Variants in SCLT1 observed in about 807,000 individuals in gnomAD.
The protein encoded by SCLT1 is sodium channel-associated protein 1.
Under a neutral mutation model 112.8 loss-of-function variants are expected in SCLT1, and 78 were observed. The observed-to-expected ratio is 0.69, with a 90% CI of 0.58 to 0.83. The LOEUF (loss-of-function observed/expected upper bound fraction) is 0.83. Among genes scored for constraint, SCLT1 ranks in the 40% least tolerant of loss-of-function variants. SCLT1 has a pLI of 0.00. For synonymous variants in SCLT1, 257 were observed against 254.7 expected, an observed-to-expected ratio of 1.01 and a Z score of -0.09; for missense variants, 747 against 770.4, an observed-to-expected ratio of 0.97 and a Z score of 0.36.
chr4:128,931,551 C>T (rs184990421), intron 18 of SCLT1, among the ~76,000 whole-genome samples: 5 of 152,280 alleles, frequency 3.3e-5, no homozygotes, highest in East Asian at 1.9e-4. Flanking sequence ...CAAGCTCCAC[C>T]TCCCGGGTTC....
chr4:129,038,782 T>C (rs1747414906), intron 5 of SCLT1, among the ~76,000 whole-genome samples: 1 of 152,182 alleles, frequency 6.6e-6, no homozygotes, highest in South Asian at 2.1e-4. Flanking sequence ...AAGTACTTAC[T>C]TTATCCCTTA....
chr4:128,898,358 G>A (rs1441727279), intron 18 of SCLT1, among the ~76,000 whole-genome samples: 2 of 152,160 alleles, frequency 1.3e-5, no homozygotes, highest in South Asian at 2.1e-4. Context: ...TAGAGCTCAC[G>A]ATTAAGAAAC....
At chr4:128,966,510 G>A (rs747426630) in intron 10 of SCLT1, among the ~76,000 whole-genome samples, 7 of 151,960 alleles carry the variant, frequency 4.6e-5, no homozygotes, top group African/African-American at 1.5e-4. Flanking sequence ...CATCAAATAC[G>A]GTGTTATTAG....
chr4:129,017,898 T>C (rs1007683439), intron 5 of SCLT1, among the ~76,000 whole-genome samples: 1 of 152,232 alleles, frequency 6.6e-6, no homozygotes, highest in Non-Finnish European at 1.5e-5. Context: ...GGAAAAAAAG[T>C]CAATCTTACT....
At chr4:128,890,086 C>A (rs370810122) in intron 19 of SCLT1, among the ~76,000 whole-genome samples, 2 of 152,248 alleles carry the variant, frequency 1.3e-5, no homozygotes, top group South Asian at 2.1e-4. Flanking sequence ...TTAAGAAGCA[C>A]ATCATATGCT....
chr4:128,896,143 C>A (rs1733737554), intron 18 of SCLT1, among the ~76,000 whole-genome samples: 2 of 152,216 alleles, frequency 1.3e-5, no homozygotes, highest in Non-Finnish European at 2.9e-5. Flanking sequence ...GCAGCAGAAT[C>A]CTTTGCAGAC....
At chr4:129,011,427 C>T (rs954738216) in intron 5 of SCLT1, among the ~76,000 whole-genome samples, 1 of 152,044 alleles carries the variant, frequency 6.6e-6, no homozygotes, top group Admixed American at 6.5e-5. Flanking sequence ...TGATGTTGGC[C>T]TCATAAAATG....
chr4:128,972,865 A>T (rs1288858902), intron 9 of SCLT1, among the ~76,000 whole-genome samples: 4 of 152,098 alleles, frequency 2.6e-5, no homozygotes, highest in African/African-American at 9.7e-5. Context: ...TTTAACAATG[A>T]TTCCTGGATT....
At chr4:129,088,173 C>T (rs1434177775) in intron 1 of SCLT1, among the ~76,000 whole-genome samples, 1 of 151,944 alleles carries the variant, frequency 6.6e-6, no homozygotes, top group African/African-American at 2.4e-5. Context: ...AAGGATTATA[C>T]ATCATGAGCA....
chr4:128,884,337 C>A lies in SCLT1; in HGVS notation c.*140G>T. 1.8e-6 allele frequency: 1 copy of A among 560,404 alleles called. No homozygotes were observed. Among genetic ancestry groups the A allele is most frequent in the South Asian group, 2.7e-5 (1 of 37,304 alleles). The allele number at this position is 560,404 out of a possible 1,614,324, so 34.7% of individuals were successfully genotyped here. ...TGGTCACTGCTCTGTTTTCCAATAA[C>A]CCTCAAAACAGAACAACAATGCTTA... On this transcript the variant is annotated 3_prime_UTR_variant, in exon 21 of 21. Coordinates refer to ENST00000281142, the MANE Select transcript of SCLT1 (RefSeq NM_144643.4).
In SCLT1 at chr4:129,043,436, T is replaced by C; in HGVS notation, c.193A>G (p.Lys65Glu). ...TGCCCATTTAGTTCTCCTAGGTGTT[T>C]ATCATACTCAGTAACAAGAGGAGCT... ...FLAPLVTEYD[K>E]HLGELNGQLK... Residue 65 changes from lysine (K) to glutamate (E), a missense_variant, in exon 4 of 21, where the codon AAA becomes GAA. Around this residue, in one of 2 missense-constraint regions of SCLT1, gnomAD observed 723 missense variants for 721.3 expected, o/e 1.00. Transcript: ENST00000281142. 6.5e-7 allele frequency: 1 copy of C among 1,548,220 alleles called. No homozygotes were observed.
At chr4:129,026,501 A>G (rs147652191) in intron 5 of SCLT1, among the ~76,000 whole-genome samples, 2,160 of 152,194 alleles carry the variant, frequency 0.014, 74 homozygotes, top group African/African-American at 0.046. Flanking sequence ...TTTGAAACCA[A>G]CGAGAACAAA....
At chr4:129,065,928 A>G (rs1486091571) in intron 2 of SCLT1, among the ~76,000 whole-genome samples, 2 of 152,074 alleles carry the variant, frequency 1.3e-5, no homozygotes, top group Non-Finnish European at 2.9e-5. Context: ...CAGACACTGA[A>G]CAAGCTATGC....
At chr4:128,939,504 T>G (rs182877203) in intron 17 of SCLT1, among the ~76,000 whole-genome samples, 21 of 152,280 alleles carry the variant, frequency 1.4e-4, no homozygotes, top group Non-Finnish European at 2.4e-4. Flanking sequence ...AAATTCAGAA[T>G]GTTGGATGGG....
chr4:129,066,796 T>C (rs1172194066), intron 2 of SCLT1, among the ~76,000 whole-genome samples: 1 of 152,038 alleles, frequency 6.6e-6, no homozygotes, highest in African/African-American at 2.4e-5. Flanking sequence ...CATCACTTAT[T>C]AGTTTAAAAA....
At chr4:128,952,672 A>G in intron 14 of SCLT1, 97 bp downstream of exon 14, 1 of 796,436 alleles carries the variant, frequency 1.3e-6, no homozygotes, top group Admixed American at 2.1e-5. Context: ...GCTTGGTTTA[A>G]TAAGTATCTT....
intron 5 of SCLT1, among the ~76,000 whole-genome samples, chr4:129,011,954 CTATTT>C (rs1744564319): frequency 6.6e-6 from 1 of 151,884 alleles, no homozygotes; most frequent in South Asian, 2.1e-4. Flanking sequence ...AGCTAATGGT[CTATTT>C]TATTAATTTT....
At chr4:129,044,314 C>A (rs577903072) in intron 2 of SCLT1, among the ~76,000 whole-genome samples, 20 of 151,878 alleles carry the variant, frequency 1.3e-4, no homozygotes, top group Admixed American at 7.2e-4. Flanking sequence ...CAGAAATCTA[C>A]ATCAATTATA....
intron 18 of SCLT1, among the ~76,000 whole-genome samples, chr4:128,900,868 T>C (rs935469007): frequency 1.3e-5 from 2 of 152,030 alleles, no homozygotes; most frequent in African/African-American, 4.8e-5. Flanking sequence ...GTGAAGGACA[T>C]GAACAGACAC....
Sources: gnomAD v4.1 joint callset for allele counts (sites outside exome capture counted in the v4.1 genomes callset) on GRCh38, gnomAD v4.1.1 for gene constraint, gnomAD v4.1.1 regional missense constraint, MANE v1.5 for transcripts, NCBI Gene and HGNC (gene_info 2026-07-23, HGNC 2026-07-21) for gene names.